Variants in COL5A1 observed in about 807,000 individuals in gnomAD.
The protein encoded by COL5A1 is collagen type V alpha 1 chain.
In COL5A1, 16 loss-of-function variants were observed where a neutral mutation model predicts 263.7. The ratio of observed to expected loss-of-function variants is 0.06; its 90% CI spans 0.04 to 0.09. The LOEUF is 0.09. Among genes scored for constraint, COL5A1 ranks in the 10% least tolerant of loss-of-function variants. The pLI, the probability that COL5A1 is intolerant of heterozygous loss-of-function variation, is 1.00. For missense variants in COL5A1, 2,036 were observed against 2,540.5 expected, an observed-to-expected ratio of 0.80 and a Z score of 4.27; for synonymous variants, 1,012 against 1,004.5, an observed-to-expected ratio of 1.01 and a Z score of -0.14.
At chr9:134,685,068 C>CCACCATCCATCCATT (rs1832975552) in intron 1 of COL5A1, among the ~76,000 whole-genome samples, 20 of 18,080 alleles carry the variant, frequency 1.1e-3, no homozygotes, top group Admixed American at 2.1e-3. Context: ...ATCCATCCAT[C>CCACCATCCATCCATT]CATCCATCCA....
chr9:134,826,601 ATG>A (rs1404279730), intron 63 of COL5A1, among the ~76,000 whole-genome samples: 1 of 138,618 alleles, frequency 7.2e-6, no homozygotes, highest in African/African-American at 2.9e-5. Context: ...GTTGGGGTGT[ATG>A]TGGATGGTGT....
At chr9:134,671,050 C>T (rs912267488) in intron 1 of COL5A1, among the ~76,000 whole-genome samples, 4 of 152,210 alleles carry the variant, frequency 2.6e-5, no homozygotes, top group Admixed American at 1.3e-4. Context: ...GCTTTGGGGC[C>T]GCAGCCTGAC....
In COL5A1 at chr9:134,820,289, C is replaced by T. The variant is rs978301412; in HGVS notation, c.4554+66C>T. On this transcript the variant is annotated intron_variant, in intron 58 of 65. Coordinates refer to ENST00000371817, the MANE Select transcript of COL5A1 (RefSeq NM_000093.5). ...GCATTTTAGATCCCTGGGGCAGGCA[C>T]CCAGGGGACAGGAGGCCCATCAGAG... 2.3e-6 allele frequency: 3 copies of T among 1,315,504 alleles called. No individual in the cohort carries two copies. The African/African-American group carries it at 4.3e-5, about 19-fold the overall frequency. 81.5% of individuals were successfully genotyped at this position (1,315,504 alleles called of 1,614,324 possible).
chr9:134,789,275 TC>T lies in COL5A1; in HGVS notation c.2700+69del. On this transcript the variant is annotated intron_variant, in intron 32 of 65. Transcript: ENST00000371817. This position sits in a 1 kb window ranked among gnomAD's most constrained non-coding sequence, Gnocchi z 4.8. Reference sequence around the variant, plus strand: ...GCCTCGGTGCCTAGCAAGTTGGTTCTCCAGCCGACGGCCTGTTTATTTCTCA... The same window carrying T: ...GCCTCGGTGCCTAGCAAGTTGGTTCTCAGCCGACGGCCTGTTTATTTCTCA... 1 of 1,317,698 alleles carries T rather than the reference TC, an allele frequency of 7.6e-7. No homozygotes were observed. The highest frequency in any genetic ancestry group is 1.1e-6 in the Non-Finnish European group (1 of 918,238). 81.6% of individuals were successfully genotyped at this position (1,317,698 alleles called of 1,614,324 possible).
At chr9:134,816,030 G>A (rs1838731501) in intron 52 of COL5A1, 42 bp downstream of exon 52, 4 of 1,600,148 alleles carry the variant, frequency 2.5e-6, no homozygotes, top group Non-Finnish European at 2.6e-6. Context: ...GGAGGTGTCA[G>A]TGTATTCTTG....
At chr9:134,759,817 TAC>T (rs1294329567) in intron 18 of COL5A1, among the ~76,000 whole-genome samples, 12 of 34,422 alleles carry the variant, frequency 3.5e-4, no homozygotes, top group Non-Finnish European at 5.9e-4. Flanking sequence ...CACACACGCA[TAC>T]ACACCCACAC....
chr9:134,750,389 T>C (rs1281203580), intron 11 of COL5A1, among the ~76,000 whole-genome samples, 153 bp from the exon 12 acceptor site: 1 of 152,172 alleles, frequency 6.6e-6, no homozygotes, highest in Non-Finnish European at 1.5e-5. Flanking sequence ...GGGTGGGGGT[T>C]TCTGAAACAT....
intron 5 of COL5A1, among the ~76,000 whole-genome samples, chr9:134,728,159 G>A (rs751021554): frequency 2.0e-5 from 3 of 152,256 alleles, no homozygotes; most frequent in Non-Finnish European, 4.4e-5. Context: ...CCCAGGAGGG[G>A]CAGGACAGAG....
At chr9:134,809,626 G>A (rs980221369) in intron 43 of COL5A1, among the ~76,000 whole-genome samples, 10 of 152,260 alleles carry the variant, frequency 6.6e-5, no homozygotes, top group Non-Finnish European at 8.8e-5. Context: ...AAACTGCGGA[G>A]CCCGGTTTAA....
At chr9:134,703,786 C>T (rs1036593897) in intron 4 of COL5A1, among the ~76,000 whole-genome samples, 55 of 152,008 alleles carry the variant, frequency 3.6e-4, no homozygotes, top group South Asian at 6.2e-4. Flanking sequence ...TACAGGCGCC[C>T]GCCACCACAC....
At chr9:134,760,206 TACACACATGCACACACC>T (rs760973871) in intron 18 of COL5A1, among the ~76,000 whole-genome samples, 1 of 76,744 alleles carries the variant, frequency 1.3e-5, no homozygotes, top group Non-Finnish European at 2.4e-5. Flanking sequence ...CCCACACTCA[TACACACATGCACACACC>T]ACATGCACAC....
At chr9:134,816,894 A>T (rs960917562) in intron 52 of COL5A1, 132 bp from the exon 53 acceptor site, 28 of 816,032 alleles carry the variant, frequency 3.4e-5, no homozygotes, top group Middle Eastern at 2.7e-4. Context: ...CCTCTGTGCT[A>T]GCCCCAAAAG....
Position 134,730,343 on chromosome 9 carries a change from G to A in COL5A1, c.1032G>A (p.Glu344=). 6.2e-7 allele frequency: 1 copy of A among 1,614,248 alleles called. No homozygotes were observed. The highest frequency in any genetic ancestry group is 1.1e-5 in the South Asian group (1 of 91,090). The change falls in exon 7 of 66, where the codon GAG becomes GAA. Residue 344 remains glutamate (E), a synonymous_variant. Coordinates refer to ENST00000371817, the MANE Select transcript of COL5A1 (RefSeq NM_000093.5). ...GIGDYDYVPS[E]DYYTPSPYDD... is the part of the protein sequence containing the mutation. ...GGGACTATGACTACGTGCCCAGTGA[G>A]GACTACTACACGCCCTCACCGTATG...
At chr9:134,743,263 A>G (rs998003737) in intron 11 of COL5A1, among the ~76,000 whole-genome samples, 1 of 151,686 alleles carries the variant, frequency 6.6e-6, no homozygotes, top group African/African-American at 2.4e-5. Context: ...CTGTGGCCAA[A>G]CTCCTCCTGA....
At chr9:134,651,847 G>T (rs57734209) in intron 1 of COL5A1, among the ~76,000 whole-genome samples, 14,387 of 152,316 alleles carry the variant, frequency 0.094, 1,798 homozygotes, top group African/African-American at 0.28. Flanking sequence ...GCTGCTGGTT[G>T]TCTTCCCTTG....
At chr9:134,759,541 G>GCA (rs1234311017) in intron 18 of COL5A1, among the ~76,000 whole-genome samples, 1 of 66,686 alleles carries the variant, frequency 1.5e-5, no homozygotes, top group Non-Finnish European at 2.6e-5. Context: ...CACCACACAT[G>GCA]CGCACACACA....
intron 1 of COL5A1, among the ~76,000 whole-genome samples, chr9:134,654,360 A>AG: frequency 7.0e-5 from 1 of 14,252 alleles, no homozygotes; most frequent in African/African-American, 3.0e-4. Context: ...TAGGGCTGGG[A>AG]GTGTGTAGGG....
rs1188107060 is a variant in COL5A1 at position 134,774,929 on chromosome 9, C to A, written c.2385+17C>A. ...GGAGTCAAGGTGAGAGAGACTCACGCCACTCCAGGTCGTCCTGGAGGTCAG... is the reference window on the plus strand; with the variant it reads ...GGAGTCAAGGTGAGAGAGACTCACGACACTCCAGGTCGTCCTGGAGGTCAG... On this transcript the variant is annotated intron_variant, in intron 27 of 65. Coordinates refer to ENST00000371817, the MANE Select transcript of COL5A1 (RefSeq NM_000093.5). 2 of 1,611,950 alleles carry A rather than the reference C, an allele frequency of 1.2e-6. No individual in the cohort carries two copies. The highest frequency in any genetic ancestry group is 4.5e-5 in the East Asian group (2 of 44,850).
At chr9:134,738,642 C>G in intron 10 of COL5A1, 104 bp from the exon 11 acceptor site, 1 of 1,518,798 alleles carries the variant, frequency 6.6e-7, no homozygotes, top group Admixed American at 1.7e-5. Context: ...CCCTGGGAGC[C>G]GGCGCTATCC....
Sources: allele counts gnomAD v4.1 joint callset (sites outside exome capture counted in the v4.1 genomes callset), GRCh38; gene constraint gnomAD v4.1.1; non-coding constraint Gnocchi (gnomAD v3.1); transcripts MANE v1.5; gene names NCBI Gene and HGNC (gene_info 2026-07-23, HGNC 2026-07-21).